Variants in GRIN2A observed in about 807,000 individuals in gnomAD.
The protein encoded by GRIN2A is glutamate receptor ionotropic, NMDA 2A.
In GRIN2A, 22 loss-of-function variants were observed where a neutral mutation model predicts 113.4. That is an observed-to-expected ratio of 0.19 (90% confidence interval 0.14 to 0.28). The LOEUF (loss-of-function observed/expected upper bound fraction) is 0.28, where lower values mean the gene tolerates loss of function less well. Among genes scored for constraint, GRIN2A ranks in the 10% least tolerant of loss-of-function variants. GRIN2A has a pLI of 1.00. For synonymous variants in GRIN2A, 827 were observed against 738.4 expected (o/e 1.12, Z -1.94); for missense variants, 1,502 against 1,887.0 (o/e 0.80, Z 3.78).
At chr16:10,044,020 T>TAG (rs1394786989) in intron 2 of GRIN2A, among the ~76,000 whole-genome samples, 20 of 116,898 alleles carry the variant, frequency 1.7e-4, no homozygotes, top group Non-Finnish European at 2.6e-4. Flanking sequence ...TATATATATA[T>TAG]ATAGAGAGAG....
chr16:10,163,608 C>T (rs1225198206), intron 2 of GRIN2A, among the ~76,000 whole-genome samples: 1 of 151,970 alleles, frequency 6.6e-6, no homozygotes, highest in Non-Finnish European at 1.5e-5. Context: ...CAAGTGCCCC[C>T]TGCCACTCAG....
chr16:10,038,765 G>A (rs1029839018), intron 2 of GRIN2A, among the ~76,000 whole-genome samples: 8 of 151,296 alleles, frequency 5.3e-5, no homozygotes, highest in Non-Finnish European at 1.5e-5. Flanking sequence ...GGACAATCAC[G>A]TGAACCCAGG....
At chr16:9,981,889 T>C (rs2045898909) in intron 2 of GRIN2A, among the ~76,000 whole-genome samples, 1 of 152,136 alleles carries the variant, frequency 6.6e-6, no homozygotes, top group Non-Finnish European at 1.5e-5. Flanking sequence ...TGTGCTCAAA[T>C]GATTCTCCTA....
chr16:9,783,214 T>C (rs961316230), intron 11 of GRIN2A, among the ~76,000 whole-genome samples: 22 of 152,214 alleles, frequency 1.4e-4, no homozygotes, highest in African/African-American at 5.3e-4. Context: ...CATAAAAAAT[T>C]AGACTCAATC....
chr16:10,152,018 C>T (rs1596557058), intron 2 of GRIN2A, among the ~76,000 whole-genome samples: 1 of 152,174 alleles, frequency 6.6e-6, no homozygotes, highest in African/African-American at 2.4e-5. Flanking sequence ...CTGCTCTTGT[C>T]CTTCGTCCTG....
intron 2 of GRIN2A, among the ~76,000 whole-genome samples, chr16:9,939,846 CTG>C (rs763249218): frequency 6.6e-6 from 1 of 152,040 alleles, no homozygotes; most frequent in Non-Finnish European, 1.5e-5. Context: ...AGGTATGCCT[CTG>C]TGTTAGAGCA....
chr16:10,144,637 T>G (rs1332740575), intron 2 of GRIN2A, among the ~76,000 whole-genome samples: 1 of 152,232 alleles, frequency 6.6e-6, no homozygotes, highest in Non-Finnish European at 1.5e-5. Context: ...GTTGATTGTT[T>G]CCTTTGCTTC....
chr16:10,028,750 T>C (rs1271869939), intron 2 of GRIN2A, among the ~76,000 whole-genome samples: 1 of 152,192 alleles, frequency 6.6e-6, no homozygotes, highest in Admixed American at 6.5e-5. Context: ...ATTTTGAGCT[T>C]TGCAGGCCAT....
At chr16:10,113,442 G>A (rs952273399) in intron 2 of GRIN2A, among the ~76,000 whole-genome samples, 1 of 152,194 alleles carries the variant, frequency 6.6e-6, no homozygotes, top group Non-Finnish European at 1.5e-5. Context: ...AGGCTGCCCT[G>A]CTCATGGCCG....
At chr16:10,152,594 G>T (rs906292454) in intron 2 of GRIN2A, among the ~76,000 whole-genome samples, 1 of 152,016 alleles carries the variant, frequency 6.6e-6, no homozygotes, top group African/African-American at 2.4e-5. Flanking sequence ...CACCCTTCTT[G>T]GTTTCATGTT....
At chr16:10,136,489 C>G (rs578192360) in intron 2 of GRIN2A, among the ~76,000 whole-genome samples, 2 of 152,220 alleles carry the variant, frequency 1.3e-5, no homozygotes, top group African/African-American at 4.8e-5. Context: ...TAATTATACT[C>G]AATTGTAGAC....
At chr16:10,130,291 C>T (rs1201119470) in intron 2 of GRIN2A, among the ~76,000 whole-genome samples, 1 of 152,190 alleles carries the variant, frequency 6.6e-6, no homozygotes, top group African/African-American at 2.4e-5. Flanking sequence ...AAAATCAAAT[C>T]AGTAATCCAG....
At chr16:9,792,225 A>T (rs1902652301) in intron 11 of GRIN2A, among the ~76,000 whole-genome samples, 1 of 151,962 alleles carries the variant, frequency 6.6e-6, no homozygotes, top group African/African-American at 2.4e-5. Context: ...CACTCTATTA[A>T]TGTAATTATT....
chr16:10,080,670 G>A (rs1020115730), intron 2 of GRIN2A, among the ~76,000 whole-genome samples: 10 of 152,114 alleles, frequency 6.6e-5, no homozygotes, highest in African/African-American at 2.2e-4. Flanking sequence ...CAAAGGGAGC[G>A]ATGGAGTACA....
chr16:10,060,179 G>C (rs1309191378), intron 2 of GRIN2A, among the ~76,000 whole-genome samples: 2 of 152,126 alleles, frequency 1.3e-5, no homozygotes, highest in African/African-American at 2.4e-5. Context: ...ACAGAGAAGG[G>C]AAAGGTCAGA....
At chr16:9,783,182 G>A (rs900390702) in intron 11 of GRIN2A, among the ~76,000 whole-genome samples, 4 of 152,250 alleles carry the variant, frequency 2.6e-5, no homozygotes, top group South Asian at 2.1e-4. Flanking sequence ...ACCCACATAC[G>A]TGGGAGCAAT....
chr16:9,822,469 G>C (rs2042306794), intron 9 of GRIN2A, 45 bp from the exon 10 acceptor site: 1 of 1,269,910 alleles, frequency 7.9e-7, no homozygotes, highest in Admixed American at 1.7e-5. Context: ...GGAAAAGAAA[G>C]AGAAGGGAGG....
chr16:10,073,233 G>A (rs2047795910), intron 2 of GRIN2A, among the ~76,000 whole-genome samples: 1 of 152,150 alleles, frequency 6.6e-6, no homozygotes, highest in Admixed American at 6.5e-5. Flanking sequence ...TGGGATTACA[G>A]GTGTGAGCCA....
intron 2 of GRIN2A, among the ~76,000 whole-genome samples, chr16:10,025,648 C>T (rs1183074279): frequency 6.6e-6 from 1 of 152,096 alleles, no homozygotes; most frequent in Admixed American, 6.6e-5. Context: ...TGGAATACCA[C>T]CTCATTTGAC....
Sources: allele counts gnomAD v4.1 joint callset (sites outside exome capture counted in the v4.1 genomes callset), GRCh38; gene constraint gnomAD v4.1.1; transcripts MANE v1.5; gene names NCBI Gene and HGNC (gene_info 2026-07-23, HGNC 2026-07-21).